STAU2: variants seen among roughly 807,000 people sequenced by gnomAD.
STAU2 encodes double-stranded RNA-binding protein Staufen homolog 2.
STAU2 carries 20 observed loss-of-function variants against 65.9 expected under a neutral mutation model. The observed-to-expected ratio is 0.30, with a 90% CI of 0.21 to 0.44. STAU2 has a LOEUF of 0.44. Ranked by LOEUF, STAU2 falls within the 20% of genes least tolerant of loss-of-function variation. The pLI is 1.00. For missense variants in STAU2, 558 were observed against 683.9 expected (o/e 0.82, Z 2.05); for synonymous variants, 232 against 233.9 (o/e 0.99, Z 0.07).
chr8:73,507,996 G>C (rs918560616), intron 13 of STAU2, among the ~76,000 whole-genome samples: 1 of 152,128 alleles, frequency 6.6e-6, no homozygotes, highest in African/African-American at 2.4e-5. Context: ...TCTGGATTAG[G>C]CTTTGGCTTA....
intron 13 of STAU2, among the ~76,000 whole-genome samples, chr8:73,505,994 A>G (rs934849379): frequency 2.0e-5 from 3 of 152,024 alleles, no homozygotes; most frequent in South Asian, 2.1e-4. Flanking sequence ...GCTCCCACTT[A>G]GCCTTCTACC....
intron 13 of STAU2, among the ~76,000 whole-genome samples, chr8:73,470,259 C>G (rs1464697444): frequency 6.6e-6 from 1 of 152,158 alleles, no homozygotes; most frequent in Non-Finnish European, 1.5e-5. Context: ...GTGTGGCTAT[C>G]CCTGACTGCA....
chr8:73,723,619 T>C (rs999919164), intron 3 of STAU2, among the ~76,000 whole-genome samples: 1 of 152,238 alleles, frequency 6.6e-6, no homozygotes. Flanking sequence ...TTCAAGTTCA[T>C]TCATAATTTT....
At chr8:73,737,898 TA>T (rs78894120) in intron 3 of STAU2, among the ~76,000 whole-genome samples, 662 of 134,604 alleles carry the variant, frequency 4.9e-3, no homozygotes, top group Non-Finnish European at 5.5e-3. Flanking sequence ...AAGTGAACTT[TA>T]AAAAAAAAAA....
intron 4 of STAU2, among the ~76,000 whole-genome samples, chr8:73,691,649 T>C (rs13251768): frequency 0.48 from 73,188 of 151,830 alleles, 19,687 homozygotes; most frequent in Non-Finnish European, 0.62. Context: ...CAATGATATG[T>C]GGACAATATC....
At chr8:73,512,524 T>A (rs563500524) in intron 13 of STAU2, among the ~76,000 whole-genome samples, 1 of 152,290 alleles carries the variant, frequency 6.6e-6, no homozygotes. Flanking sequence ...AATGAAATGG[T>A]CTTAATTTCA....
rs184564679 is a variant in STAU2, at chr8:73,636,719, C to T, written c.411-19268G>A. Among the ~76,000 whole-genome samples the T allele has an allele frequency of 1.2e-3, 180 of 151,616 alleles. 1 individual carries two copies. Among genetic ancestry groups the T allele is most frequent in the Admixed American group, 4.7e-3 (72 of 15,238 alleles). On this transcript the variant is annotated intron_variant, in intron 6 of 14. Coordinates refer to ENST00000524300, the MANE Select transcript of STAU2 (RefSeq NM_001164380.2). The stretch of plus-strand genomic sequence containing the variant: ...CTCTACTAAAAATATAAGAATTAGC[C>T]GAGTGTGGTGGCACACAGCTGTAAT...
intron 13 of STAU2, among the ~76,000 whole-genome samples, chr8:73,501,369 C>A (rs1291822803): frequency 6.6e-6 from 1 of 151,816 alleles, no homozygotes; most frequent in Non-Finnish European, 1.5e-5. Flanking sequence ...ATATTAATAG[C>A]AAATTATGAT....
At chr8:73,615,622 TTAAAA>T (rs1812776563) in intron 8 of STAU2, 48 bp downstream of exon 8, 2 of 1,409,344 alleles carry the variant, frequency 1.4e-6, no homozygotes, top group Non-Finnish European at 2.0e-6. Flanking sequence ...ATTTGTTTGT[TTAAAA>T]TAACCACAGC....
At chr8:73,632,518 A>G (rs1038708407) in intron 6 of STAU2, among the ~76,000 whole-genome samples, 3 of 152,242 alleles carry the variant, frequency 2.0e-5, no homozygotes, top group Non-Finnish European at 2.9e-5. Context: ...AGAGAACAAA[A>G]AAGGGTTTGC....
intron 12 of STAU2, among the ~76,000 whole-genome samples, chr8:73,553,473 C>T (rs1807486423): frequency 6.6e-6 from 1 of 152,104 alleles, no homozygotes; most frequent in African/African-American, 2.4e-5. Flanking sequence ...ATACAAATGC[C>T]TTTTGTGAAA....
chr8:73,501,686 T>A (rs1821761005), intron 13 of STAU2, among the ~76,000 whole-genome samples: 1 of 151,898 alleles, frequency 6.6e-6, no homozygotes, highest in South Asian at 2.1e-4. Flanking sequence ...CCCTTACCCA[T>A]TAGAGAATTC....
intron 5 of STAU2, among the ~76,000 whole-genome samples, chr8:73,685,342 T>A (rs371770594): frequency 6.6e-6 from 1 of 151,962 alleles, no homozygotes; most frequent in East Asian, 1.9e-4. Flanking sequence ...AAATAAAGGA[T>A]GTTGGCGTGG....
Position 73,651,644 on chromosome 8 carries a change from C to A in STAU2, c.410+21463G>T, listed in dbSNP as rs533585123. 125 of 561,938 alleles carry A rather than the reference C, an allele frequency of 2.2e-4. 1 individual carries two copies. Among genetic ancestry groups the A allele is most frequent in the African/African-American group, 2.2e-3 (115 of 52,728 alleles). The allele number at this position is 561,938 out of a possible 1,614,324, so 34.8% of individuals were successfully genotyped here. ...GGGTCTCTGCAAGTGGAACAAGAGGCCCTGGCCTCTGAGTGGGCCTGCTGC... is the reference window on the plus strand; with the variant it reads ...GGGTCTCTGCAAGTGGAACAAGAGGACCTGGCCTCTGAGTGGGCCTGCTGC... On this transcript the variant is annotated intron_variant, in intron 6 of 14. Coordinates refer to ENST00000524300, the MANE Select transcript of STAU2 (RefSeq NM_001164380.2).
intron 6 of STAU2, among the ~76,000 whole-genome samples, chr8:73,650,897 G>C (rs1815811647): frequency 6.6e-6 from 1 of 152,186 alleles, no homozygotes; most frequent in African/African-American, 2.4e-5. Flanking sequence ...TATATGTAAG[G>C]ACTCTAAATG....
At chr8:73,435,529 C>T (rs961128260) in intron 13 of STAU2, among the ~76,000 whole-genome samples, 12 of 151,912 alleles carry the variant, frequency 7.9e-5, no homozygotes, top group African/African-American at 1.7e-4. Context: ...TATTTCTCTC[C>T]GCCTCTAACA....
chr8:73,580,891 T>A (rs532557220), intron 12 of STAU2, among the ~76,000 whole-genome samples: 1 of 152,334 alleles, frequency 6.6e-6, no homozygotes, highest in East Asian at 1.9e-4. Flanking sequence ...AACAGAACAT[T>A]CTTATTTCAA....
At chr8:73,549,588 A>G in intron 13 of STAU2, 1 of 741,568 alleles carries the variant, frequency 1.3e-6, no homozygotes, top group South Asian at 5.6e-5. Context: ...ACAAAATTAA[A>G]AGTTAAAACA....
intron 6 of STAU2, among the ~76,000 whole-genome samples, chr8:73,620,941 A>T (rs1026852946): frequency 6.6e-6 from 1 of 152,250 alleles, no homozygotes; most frequent in Non-Finnish European, 1.5e-5. Flanking sequence ...GAGATGATGC[A>T]GAATGGTTTT....
Sources: gnomAD v4.1 joint callset for allele counts (sites outside exome capture counted in the v4.1 genomes callset) on GRCh38, gnomAD v4.1.1 for gene constraint, MANE v1.5 for transcripts, NCBI Gene and HGNC (gene_info 2026-07-23, HGNC 2026-07-21) for gene names.